NKAIN3: variants seen among roughly 807,000 people sequenced by gnomAD.
NKAIN3 encodes sodium/potassium-transporting ATPase subunit beta-1-interacting protein 3.
In NKAIN3, 25 loss-of-function variants were observed where a neutral mutation model predicts 30.2. That is an observed-to-expected ratio of 0.83 (90% CI 0.60 to 1.16). NKAIN3 has a LOEUF of 1.16. Ranked by LOEUF, NKAIN3 falls within the 50% of genes most tolerant of loss-of-function variation. NKAIN3 has a pLI of 0.00. For missense variants in NKAIN3, 225 were observed against 254.1 expected (o/e 0.89, Z 0.78); for synonymous variants, 91 against 89.6 (o/e 1.02, Z -0.09).
intron 1 of NKAIN3, among the ~76,000 whole-genome samples, chr8:62,297,388 C>G (rs1442584088): frequency 1.3e-5 from 2 of 151,874 alleles, no homozygotes; most frequent in Admixed American, 1.3e-4. Context: ...AACAGGCAAC[C>G]TACAAAATGG....
At chr8:62,431,547 G>A (rs1007809980) in intron 1 of NKAIN3, among the ~76,000 whole-genome samples, 11 of 151,800 alleles carry the variant, frequency 7.2e-5, no homozygotes, top group Admixed American at 5.9e-4. Context: ...GAATGATGTG[G>A]AAATTCATGT....
intron 1 of NKAIN3, among the ~76,000 whole-genome samples, chr8:62,274,909 T>C (rs1812887461): frequency 6.6e-6 from 1 of 152,140 alleles, no homozygotes; most frequent in Non-Finnish European, 1.5e-5. Flanking sequence ...TCCATGTCCC[T>C]ACAAAGGACA....
chr8:62,258,706 C>T (rs931843714), intron 1 of NKAIN3, among the ~76,000 whole-genome samples: 1 of 151,896 alleles, frequency 6.6e-6, no homozygotes, highest in Non-Finnish European at 1.5e-5. Flanking sequence ...GCACTTAATA[C>T]AAATCATTCG....
rs1250576269 is a variant in NKAIN3, at chr8:62,979,407, G to T, written c.*14000G>T. On this transcript the variant is annotated 3_prime_UTR_variant, in exon 7 of 7. Coordinates refer to ENST00000623646, the MANE Select transcript of NKAIN3 (RefSeq NM_001304533.3). Reference sequence around the variant, plus strand: ...TCACTGATGATTTAAACAAGATTGGGTGACTTATTTATGTACACACACATC... The same window carrying T: ...TCACTGATGATTTAAACAAGATTGGTTGACTTATTTATGTACACACACATC... 6.6e-6 allele frequency: 1 copy of T among 152,092 alleles called. No homozygotes were observed. Among genetic ancestry groups the T allele is most frequent in the African/African-American group, 2.4e-5 (1 of 41,396 alleles). The allele number at this position is 152,092 out of a possible 1,614,324, so 9.4% of individuals were successfully genotyped here.
intron 4 of NKAIN3, among the ~76,000 whole-genome samples, chr8:62,842,325 A>G (rs1364685805): frequency 1.3e-5 from 2 of 152,154 alleles, no homozygotes; most frequent in Non-Finnish European, 2.9e-5. Flanking sequence ...AGACTTATAT[A>G]CTGAAGACTA....
At chr8:62,719,913 C>T (rs1337683215) in intron 3 of NKAIN3, among the ~76,000 whole-genome samples, 1 of 151,910 alleles carries the variant, frequency 6.6e-6, no homozygotes, top group Non-Finnish European at 1.5e-5. Flanking sequence ...CTCGCTACCA[C>T]GCCTGGCTAA....
At chr8:62,721,870 T>C (rs537065859) in intron 3 of NKAIN3, among the ~76,000 whole-genome samples, 2 of 152,292 alleles carry the variant, frequency 1.3e-5, no homozygotes, top group East Asian at 1.9e-4. Flanking sequence ...CCTTGAAACA[T>C]GTAGCCATAA....
At position 62,900,672 on chromosome 8, in the gene NKAIN3, C is replaced by T. The variant is rs185449840; in HGVS notation, c.472-17781C>T. On this transcript the variant is annotated intron_variant, in intron 4 of 6. Coordinates refer to ENST00000623646, the MANE Select transcript of NKAIN3 (RefSeq NM_001304533.3). ...GTATCCAACTAAACCCTGTGCTAAG[C>T]ACTAGATATCCATTATCTTGATAAT... Among the ~76,000 whole-genome samples the T allele has an allele frequency of 3.8e-3, 583 of 152,304 alleles. 6 individuals carry two copies. Among genetic ancestry groups the T allele is most frequent in the Middle Eastern group, 6.8e-3 (2 of 294 alleles).
intron 1 of NKAIN3, among the ~76,000 whole-genome samples, chr8:62,391,733 TAAG>T (rs1413850471): frequency 6.6e-6 from 1 of 152,188 alleles, no homozygotes; most frequent in South Asian, 2.1e-4. Flanking sequence ...CGATGGATAA[TAAG>T]AAACGTTATC....
chr8:62,475,955 T>C (rs1205967017), intron 1 of NKAIN3, among the ~76,000 whole-genome samples: 1 of 152,194 alleles, frequency 6.6e-6, no homozygotes, highest in Non-Finnish European at 1.5e-5. Flanking sequence ...CAGCCTCCAC[T>C]TCTGTGAAAT....
At chr8:62,359,047 G>A (rs1816454848) in intron 1 of NKAIN3, among the ~76,000 whole-genome samples, 1 of 152,122 alleles carries the variant, frequency 6.6e-6, no homozygotes. Context: ...AGCTGGGCGT[G>A]GTGGCGGGCG....
At chr8:62,622,103 C>A (rs758975677) in intron 3 of NKAIN3, among the ~76,000 whole-genome samples, 31 of 151,962 alleles carry the variant, frequency 2.0e-4, no homozygotes, top group Non-Finnish European at 4.0e-4. Context: ...CTCCATAATT[C>A]TTCTTACATG....
At position 62,715,384 on chromosome 8, in the gene NKAIN3, G is replaced by T. The variant is rs116952976; in HGVS notation, c.274-31548G>T. ...TCCCATGTCTCTGTTTAGCTTCTCT[G>T]CTCCTTGTGGGCTTTCAATTAAAGC... On this transcript the variant is annotated intron_variant, in intron 3 of 6. Transcript: ENST00000623646. Among the ~76,000 whole-genome samples the T allele has an allele frequency of 2.4e-3, 364 of 152,264 alleles. 1 individual carries two copies. The highest frequency in any genetic ancestry group is 3.9e-3 in the Non-Finnish European group (265 of 68,026).
chr8:62,875,075 C>T (rs912674450), intron 4 of NKAIN3, among the ~76,000 whole-genome samples: 4 of 152,126 alleles, frequency 2.6e-5, no homozygotes, highest in Non-Finnish European at 5.9e-5. Flanking sequence ...ACCCCATCGT[C>T]GCAGCCCAAA....
intron 1 of NKAIN3, among the ~76,000 whole-genome samples, chr8:62,449,720 C>T (rs1037914025): frequency 5.3e-5 from 8 of 152,102 alleles, no homozygotes; most frequent in African/African-American, 1.4e-4. Flanking sequence ...AATCCATAAG[C>T]GTATTTTTCC....
intron 1 of NKAIN3, among the ~76,000 whole-genome samples, chr8:62,513,557 A>G (rs1460228374): frequency 6.6e-6 from 1 of 151,926 alleles, no homozygotes; most frequent in African/African-American, 2.4e-5. Flanking sequence ...AAGATAGACA[A>G]ACATTCCAGG....
At chr8:62,921,882 G>A (rs917640125) in intron 5 of NKAIN3, among the ~76,000 whole-genome samples, 1 of 152,206 alleles carries the variant, frequency 6.6e-6, no homozygotes, top group Non-Finnish European at 1.5e-5. Flanking sequence ...ATTCAGAGAA[G>A]TGTGGAGATA....
At chr8:62,631,665 T>C (rs2130266385) in intron 3 of NKAIN3, among the ~76,000 whole-genome samples, 1 of 152,276 alleles carries the variant, frequency 6.6e-6, no homozygotes. Context: ...TATGTTAGCT[T>C]CCAGAGACTT....
intron 5 of NKAIN3, among the ~76,000 whole-genome samples, chr8:62,939,716 C>G (rs1822895644): frequency 6.6e-6 from 1 of 151,908 alleles, no homozygotes; most frequent in Non-Finnish European, 1.5e-5. Flanking sequence ...AGAGAATTTG[C>G]CACTACCCAG....
Sources: gnomAD v4.1 joint callset for allele counts (sites outside exome capture counted in the v4.1 genomes callset) on GRCh38, gnomAD v4.1.1 for gene constraint, MANE v1.5 for transcripts, NCBI Gene and HGNC (gene_info 2026-07-23, HGNC 2026-07-21) for gene names.